The following FETUB variants were observed in gnomAD, a reference collection of about 807,000 sequenced individuals.
FETUB encodes fetuin-B.
A neutral mutation model predicts 30.9 loss-of-function variants in FETUB; 28 were observed. The ratio of observed to expected loss-of-function variants is 0.90; its 90% confidence interval spans 0.67 to 1.24. The LOEUF (loss-of-function observed/expected upper bound fraction) is 1.24, where lower values mean the gene tolerates loss of function less well. FETUB is among the 50% of genes most tolerant of loss of function. The probability of loss-of-function intolerance (pLI) is 0.00; values close to 1 mark genes in which losing one functional copy is unlikely to be tolerated. For synonymous variants in FETUB, 186 were observed against 175.9 expected, an observed-to-expected ratio of 1.06 and a Z score of -0.45; for missense variants, 469 against 455.3, an observed-to-expected ratio of 1.03 and a Z score of -0.27.
At position 186,651,210 on chromosome 3, in the gene FETUB, T is replaced by C. The variant is rs765386338; in HGVS notation, c.697-8T>C. The C allele has an allele frequency of 1.9e-6, 3 of 1,599,136 alleles. No individual in the cohort carries two copies. The highest frequency in any genetic ancestry group is 1.7e-4 in the Middle Eastern group (1 of 6,042). ...AATACTCACATGACATTGTATTTTC[T>C]CTTTTAGCCTGTTGGTCTTTGCAAA... On this transcript the variant is annotated splice_polypyrimidine_tract_variant and splice_region_variant and intron_variant, in intron 5 of 6. Transcript: ENST00000265029.
At chr3:186,644,029 C>CA (rs1415198061) in intron 3 of FETUB, among the ~76,000 whole-genome samples, 3 of 152,138 alleles carry the variant, frequency 2.0e-5, no homozygotes, top group Non-Finnish European at 4.4e-5. Context: ...CTATTTATGG[C>CA]ATATATAGTG....
upstream of FETUB, chr3:186,636,026 C>T (rs1410326869): frequency 6.6e-6 from 1 of 152,244 alleles, no homozygotes; most frequent in Non-Finnish European, 1.5e-5. Flanking sequence ...GTCTCCAGTA[C>T]AAATTAACAA....
chr3:186,645,721 C>CTTTTT (rs35992832), intron 4 of FETUB, among the ~76,000 whole-genome samples: 39 of 79,600 alleles, frequency 4.9e-4, no homozygotes, highest in African/African-American at 6.0e-4. Context: ...CCATTCAAAT[C>CTTTTT]TTTTTTTTTT....
chr3:186,643,557 C>T (rs149734024), intron 3 of FETUB, among the ~76,000 whole-genome samples: 16 of 152,222 alleles, frequency 1.1e-4, no homozygotes, highest in East Asian at 7.7e-4. Context: ...ACAAGGCAAG[C>T]GAGCAAACAT....
At chr3:186,640,117 G>A (rs1470923196), upstream of FETUB, among the ~76,000 whole-genome samples, 1 of 152,166 alleles carries the variant, frequency 6.6e-6, no homozygotes, top group Admixed American at 6.5e-5. Flanking sequence ...GGGGGAGAAT[G>A]GGACAGTCCT....
At chr3:186,643,129 A>C (rs561486714) in intron 3 of FETUB, among the ~76,000 whole-genome samples, 1 of 152,312 alleles carries the variant, frequency 6.6e-6, no homozygotes, top group East Asian at 1.9e-4. Flanking sequence ...TAAACTACTC[A>C]GGGAACACAT....
At chr3:186,646,447 G>A (rs779073635) in intron 5 of FETUB, 98 bp downstream of exon 5, 55 of 893,494 alleles carry the variant, frequency 6.2e-5, no homozygotes, top group Non-Finnish European at 8.2e-5. Flanking sequence ...TAAGGCATGA[G>A]ATGCTTTTCT....
At chr3:186,642,686 T>C in intron 3 of FETUB, 128 bp downstream of exon 3, 1 of 679,460 alleles carries the variant, frequency 1.5e-6, no homozygotes, top group South Asian at 1.7e-5. Context: ...GCCAGTTTCT[T>C]AATATTTCCA....
rs752909498 is a variant in FETUB at position 186,641,070 on chromosome 3, T to A, written c.266T>A (p.Leu89Gln). ...GSLFYLTLDV[L>Q]ETDCHVLRKK... ...CTGTTCTATCTTACACTGGATGTGC[T>A]AGAGACTGACTGCCATGTGCTCAGA... The change falls in exon 2 of 7, where the codon CTA (leucine) becomes CAA (glutamine). Residue 89 changes from leucine (L) to glutamine (Q), a missense_variant. By Grantham distance (113) the Leu-to-Gln change is moderately radical. Coordinates refer to ENST00000265029, the MANE Select transcript of FETUB (RefSeq NM_014375.3). 2 of 1,613,974 alleles carry A rather than the reference T, an allele frequency of 1.2e-6. No individual in the cohort carries two copies. The highest frequency in any genetic ancestry group is 4.5e-5 in the East Asian group (2 of 44,880).
Position 186,642,260 on chromosome 3 carries a change from GT to G in FETUB, c.337-209del, listed in dbSNP as rs1202810395. The stretch of plus-strand genomic sequence containing the variant: ...AACTCAATTATACACAGTCACACGT[GT>G]TGGGGAGGCTTGGAAACATATTCTA... On this transcript the variant is annotated intron_variant, in intron 2 of 6. Transcript: ENST00000265029. The G allele has an allele frequency of 1.5e-5, 8 of 533,088 alleles. No homozygotes were observed. In the African/African-American group the frequency reaches 1.6e-4, roughly 10 times the overall value. The allele number at this position is 533,088 out of a possible 1,614,324, so 33.0% of individuals were successfully genotyped here. A position where few individuals can be genotyped will look rare whatever the true frequency, so the allele number is the denominator to read the frequency against.
intron 4 of FETUB, among the ~76,000 whole-genome samples, chr3:186,645,942 G>A (rs1457346815): frequency 2.0e-5 from 3 of 150,628 alleles, no homozygotes; most frequent in Non-Finnish European, 1.5e-5. Flanking sequence ...GGCCAGGATG[G>A]TCTTGATCTC....
At chr3:186,649,462 TG>T in intron 5 of FETUB, among the ~76,000 whole-genome samples, 3 of 152,244 alleles carry the variant, frequency 2.0e-5, no homozygotes, top group African/African-American at 7.2e-5. Flanking sequence ...GGGTGGTTTT[TG>T]TTTTTTGTTT....
intron 5 of FETUB, among the ~76,000 whole-genome samples, chr3:186,650,728 C>T (rs931167240): frequency 6.6e-6 from 1 of 152,122 alleles, no homozygotes; most frequent in Non-Finnish European, 1.5e-5. Flanking sequence ...TCTTTATTTT[C>T]TTTTGTTTAT....
In FETUB at chr3:186,652,455, C is replaced by G; in HGVS notation, c.973C>G (p.Pro325Ala). 6.2e-7 allele frequency: 1 copy of G among 1,614,128 alleles called. No individual in the cohort carries two copies. Among genetic ancestry groups the G allele is most frequent in the Non-Finnish European group, 8.5e-7 (1 of 1,180,006 alleles). Reference protein sequence around the residue: ...SQEKGPQEAFPVHLDLTTNPQ... With the variant: ...SQEKGPQEAFAVHLDLTTNPQ... ...GGAAAAGGGCCCTCAGGAGGCCTTT[C>G]CTGTGCATCTGGACCTAACCACGAA... Residue 325 changes from proline (P) to alanine (A), a missense_variant, in exon 7 of 7, where the codon CCT becomes GCT. Physicochemically the swap from Pro to Ala is conservative, Grantham distance 27 (BLOSUM62 -1). Coordinates refer to ENST00000265029, the MANE Select transcript of FETUB (RefSeq NM_014375.3).
upstream of FETUB, among the ~76,000 whole-genome samples, chr3:186,636,776 TAC>T (rs1170680965): frequency 2.6e-5 from 4 of 152,232 alleles, no homozygotes; most frequent in African/African-American, 9.6e-5. Context: ...CGACGTGATT[TAC>T]AGTTTTCGCC....
intron 6 of FETUB, among the ~76,000 whole-genome samples, chr3:186,652,042 A>G (rs6762544): frequency 0.025 from 3,872 of 152,212 alleles, 164 homozygotes; most frequent in African/African-American, 0.088. Context: ...TCAGCTCTGA[A>G]ATTGTGAGAC....
chr3:186,645,340 TTA>T (rs1717416636), intron 4 of FETUB, among the ~76,000 whole-genome samples: 1 of 152,154 alleles, frequency 6.6e-6, no homozygotes, highest in Non-Finnish European at 1.5e-5. Flanking sequence ...TGTATTTAGA[TTA>T]TGTTGATTTC....
At chr3:186,638,532 C>T (rs1273419828), upstream of FETUB, among the ~76,000 whole-genome samples, 1 of 152,212 alleles carries the variant, frequency 6.6e-6, no homozygotes, top group African/African-American at 2.4e-5. Context: ...CTGGACTCTT[C>T]CCCTGCTTCC....
At chr3:186,636,525 G>T (rs2108510067), upstream of FETUB, among the ~76,000 whole-genome samples, 1 of 152,272 alleles carries the variant, frequency 6.6e-6, no homozygotes, top group East Asian at 1.9e-4. Flanking sequence ...TTTGCCCTAA[G>T]AATATTTTTG....
Sources: allele counts gnomAD v4.1 joint callset (sites outside exome capture counted in the v4.1 genomes callset), GRCh38; gene constraint gnomAD v4.1.1; transcripts MANE v1.5; gene names NCBI Gene and HGNC (gene_info 2026-07-23, HGNC 2026-07-21).